Variants in ACTR3C observed in about 807,000 individuals in gnomAD.
ACTR3C encodes the protein actin-related protein 3C.
In ACTR3C, 18 loss-of-function variants were observed where a neutral mutation model predicts 26.3. The observed-to-expected ratio is 0.68, with a 90% confidence interval of 0.47 to 1.01. The LOEUF (loss-of-function observed/expected upper bound fraction) is 1.01, where lower values mean the gene tolerates loss of function less well. ACTR3C is among the 50% of genes least tolerant of loss of function. The probability of loss-of-function intolerance (pLI) is 0.00; values close to 1 mark genes in which losing one functional copy is unlikely to be tolerated. For synonymous variants in ACTR3C, 55 were observed against 94.5 expected, an observed-to-expected ratio of 0.58 and a Z score of 2.42; for missense variants, 184 against 250.7, an observed-to-expected ratio of 0.73 and a Z score of 1.80.
chr7:149,923,624 A>G, the ACTR3C span, among the ~76,000 whole-genome samples: 8 of 152,216 alleles, frequency 5.3e-5, no homozygotes, highest in African/African-American at 1.7e-4. Flanking sequence ...AGAAAATGCA[A>G]GGAGACCTTA....
chr7:150,239,664 G>A (rs1370084033), downstream of ACTR3C, among the ~76,000 whole-genome samples: 1 of 148,472 alleles, frequency 6.7e-6, no homozygotes, highest in Non-Finnish European at 1.5e-5. Context: ...GGGTGGAACT[G>A]GCTAGACTCA....
chr7:150,052,545 C>T, the ACTR3C span, among the ~76,000 whole-genome samples: 2 of 131,800 alleles, frequency 1.5e-5, no homozygotes, highest in African/African-American at 5.4e-5. Flanking sequence ...GCTTCAATCT[C>T]CCAATAGCAC....
the ACTR3C span, among the ~76,000 whole-genome samples, chr7:150,186,925 G>A: frequency 6.6e-6 from 1 of 151,874 alleles, no homozygotes; most frequent in Non-Finnish European, 1.5e-5. Flanking sequence ...GGAACCATTC[G>A]ATTTGTTTTT....
the ACTR3C span, among the ~76,000 whole-genome samples, chr7:150,169,860 T>C: frequency 2.0e-5 from 3 of 150,708 alleles, no homozygotes; most frequent in Non-Finnish European, 2.9e-5. Flanking sequence ...TTCTCCACAC[T>C]CTCCTTCCTT....
At chr7:149,958,804 T>A in the ACTR3C span, among the ~76,000 whole-genome samples, 1 of 152,316 alleles carries the variant, frequency 6.6e-6, no homozygotes, top group African/African-American at 2.4e-5. Flanking sequence ...GAGGTATGAT[T>A]CAGAGGAAGC....
At chr7:150,031,208 G>A in the ACTR3C span, among the ~76,000 whole-genome samples, 2 of 150,880 alleles carry the variant, frequency 1.3e-5, no homozygotes, top group Middle Eastern at 3.4e-3. Flanking sequence ...AGTGAGCTGA[G>A]ATTGTATCAC....
chr7:150,115,488 G>A, the ACTR3C span, among the ~76,000 whole-genome samples: 1 of 152,182 alleles, frequency 6.6e-6, no homozygotes, highest in Non-Finnish European at 1.5e-5. Flanking sequence ...TTAGGGGAGT[G>A]GTGAGTCTGG....
At chr7:150,264,166 A>T (rs1833854526) in intron 6 of ACTR3C, among the ~76,000 whole-genome samples, 1 of 152,218 alleles carries the variant, frequency 6.6e-6, no homozygotes, top group Non-Finnish European at 1.5e-5. Context: ...ACAACCCAGC[A>T]ACAGGCGGGG....
At chr7:149,980,509 A>G in the ACTR3C span, among the ~76,000 whole-genome samples, 6 of 152,254 alleles carry the variant, frequency 3.9e-5, no homozygotes, top group African/African-American at 1.4e-4. Context: ...AATGAAAAAT[A>G]AAGAGTTTGA....
At chr7:149,993,930 T>G in the ACTR3C span, among the ~76,000 whole-genome samples, 3 of 152,212 alleles carry the variant, frequency 2.0e-5, no homozygotes, top group Non-Finnish European at 4.4e-5. Context: ...TAAAATCCTG[T>G]GGATGGCTTA....
At chr7:150,008,366 C>T in the ACTR3C span, among the ~76,000 whole-genome samples, 2 of 152,246 alleles carry the variant, frequency 1.3e-5, no homozygotes, top group African/African-American at 2.4e-5. Flanking sequence ...ACAGGGCATG[C>T]TCTCCACTGT....
chr7:150,259,011 A>T (rs1393490747), intron 6 of ACTR3C, among the ~76,000 whole-genome samples: 1 of 151,706 alleles, frequency 6.6e-6, no homozygotes, highest in Non-Finnish European at 1.5e-5. Context: ...ATGATTAGAA[A>T]TAATTCATAT....
chr7:150,105,402 A>G, the ACTR3C span, among the ~76,000 whole-genome samples: 8 of 152,046 alleles, frequency 5.3e-5, no homozygotes, highest in Admixed American at 5.2e-4. Context: ...TTCTTAAAGG[A>G]ACTCACGGGA....
At chr7:150,167,123 TG>T in the ACTR3C span, among the ~76,000 whole-genome samples, 40 of 150,400 alleles carry the variant, frequency 2.7e-4, 1 homozygote, top group Non-Finnish European at 4.7e-4. Context: ...ATAAAATGGG[TG>T]TGCAGATATC....
chr7:150,042,427 G>A, the ACTR3C span, among the ~76,000 whole-genome samples: 2 of 147,346 alleles, frequency 1.4e-5, no homozygotes, highest in Admixed American at 1.3e-4. Flanking sequence ...CGCGAGGGGT[G>A]CCTCCTCCCC....
chr7:150,010,520 C>G, the ACTR3C span, among the ~76,000 whole-genome samples: 1 of 151,922 alleles, frequency 6.6e-6, no homozygotes, highest in African/African-American at 2.4e-5. Context: ...ATGGTGAAAC[C>G]CTGTCTCTGC....
At chr7:150,309,002 G>A (rs922882431) in intron 1 of ACTR3C, among the ~76,000 whole-genome samples, 12 of 151,944 alleles carry the variant, frequency 7.9e-5, no homozygotes, top group Admixed American at 4.6e-4. Context: ...GACCTCTCCC[G>A]TCTCCCCAGA....
chr7:150,069,070 G>A, the ACTR3C span, among the ~76,000 whole-genome samples: 4 of 152,258 alleles, frequency 2.6e-5, no homozygotes, highest in Admixed American at 2.6e-4. Context: ...TCAAATAGGG[G>A]TATGCCTAAA....
chr7:150,246,069 C>T (rs528765902), downstream of ACTR3C: 21 of 152,244 alleles, frequency 1.4e-4, no homozygotes, highest in African/African-American at 4.8e-4. Context: ...CTTCACCTCA[C>T]AGTTAATAGG....
Sources: allele counts gnomAD v4.1 joint callset (sites outside exome capture counted in the v4.1 genomes callset), GRCh38; gene constraint gnomAD v4.1.1; transcripts MANE v1.5; gene names NCBI Gene and HGNC (gene_info 2026-07-23, HGNC 2026-07-21).